The following PTPRN2 variants were observed in gnomAD, a reference collection of about 807,000 sequenced individuals.
PTPRN2 encodes receptor-type tyrosine-protein phosphatase N2.
In PTPRN2, 74 loss-of-function variants were observed where a neutral mutation model predicts 118.8. The ratio of observed to expected loss-of-function variants is 0.62; its 90% CI spans 0.52 to 0.76. PTPRN2 has a LOEUF of 0.76. Among genes scored for constraint, PTPRN2 ranks in the 30% least tolerant of loss-of-function variants. The probability of loss-of-function intolerance (pLI) is 0.00; values close to 1 mark genes in which losing one functional copy is unlikely to be tolerated. For missense variants in PTPRN2, 1,481 were observed against 1,394.4 expected (o/e 1.06, Z -0.99); for synonymous variants, 641 against 608.0 (o/e 1.05, Z -0.80).
chr7:158,474,256 G>A lies in PTPRN2; in HGVS notation c.163+15479C>T, dbSNP rs574176210. 4.6e-5 allele frequency among the ~76,000 whole-genome samples: 7 copies of A among 152,290 alleles called. No individual in the cohort carries two copies. In the South Asian group the frequency reaches 1.0e-3, roughly 23 times the overall value. On this transcript the variant is annotated intron_variant, in intron 2 of 22. Transcript: ENST00000389418. ...CCTTCATCAAAAAGCGGAGTAAACC[G>A]GGAGATTCAGCCATGGGAAGGCCTT...
intron 9 of PTPRN2, among the ~76,000 whole-genome samples, chr7:158,111,138 C>T (rs1250264301): frequency 6.6e-6 from 1 of 152,188 alleles, no homozygotes; most frequent in Non-Finnish European, 1.5e-5. Flanking sequence ...AGTGGCCCAC[C>T]GTGTGGAGAC....
At chr7:157,894,315 T>C (rs1796981852) in intron 12 of PTPRN2, among the ~76,000 whole-genome samples, 1 of 152,158 alleles carries the variant, frequency 6.6e-6, no homozygotes, top group Admixed American at 6.5e-5. Context: ...ACGTTTGGCA[T>C]CTTTCTGTGG....
At chr7:157,952,422 G>A (rs566915730) in intron 11 of PTPRN2, among the ~76,000 whole-genome samples, 21 of 135,484 alleles carry the variant, frequency 1.5e-4, no homozygotes, top group Admixed American at 3.6e-4. Context: ...GGGGACACGG[G>A]GGGAGACAGG....
intron 6 of PTPRN2, among the ~76,000 whole-genome samples, chr7:158,150,175 C>T (rs560254865): frequency 1.3e-4 from 20 of 152,186 alleles, no homozygotes; most frequent in African/African-American, 3.6e-4. Context: ...TTGCCTCAAG[C>T]GGGGCAGTGT....
intron 2 of PTPRN2, among the ~76,000 whole-genome samples, chr7:158,329,539 T>A (rs1803959762): frequency 6.6e-6 from 1 of 152,124 alleles, no homozygotes; most frequent in Non-Finnish European, 1.5e-5. Context: ...GGAGGCACCG[T>A]CGATGAGCCA....
intron 3 of PTPRN2, among the ~76,000 whole-genome samples, chr7:158,284,848 C>T (rs1799666245): frequency 6.6e-6 from 1 of 152,212 alleles, no homozygotes; most frequent in African/African-American, 2.4e-5. Context: ...TGCCTGAGCT[C>T]GTTGAGCTGG....
chr7:158,332,925 GAA>G (rs1222566564), intron 2 of PTPRN2, among the ~76,000 whole-genome samples: 64 of 148,108 alleles, frequency 4.3e-4, no homozygotes, highest in African/African-American at 1.5e-3. Flanking sequence ...CTCACCATAA[GAA>G]GTGACACCTG....
At chr7:157,887,116 A>G (rs1301893141) in intron 12 of PTPRN2, among the ~76,000 whole-genome samples, 1 of 151,162 alleles carries the variant, frequency 6.6e-6, no homozygotes, top group African/African-American at 2.4e-5. Flanking sequence ...CCACAGAGCC[A>G]AACCAGAGAA....
chr7:158,550,825 G>T (rs1826603402), intron 1 of PTPRN2, among the ~76,000 whole-genome samples: 1 of 152,178 alleles, frequency 6.6e-6, no homozygotes, highest in Non-Finnish European at 1.5e-5. Flanking sequence ...TCCTGCTGCT[G>T]AAATCCAACA....
chr7:158,344,250 G>T (rs1807318485), intron 2 of PTPRN2, among the ~76,000 whole-genome samples: 2 of 152,202 alleles, frequency 1.3e-5, no homozygotes, highest in South Asian at 4.1e-4. Context: ...GAAGCCACCA[G>T]CCAGACCAGG....
At chr7:158,319,652 C>T (rs1177708964) in intron 2 of PTPRN2, among the ~76,000 whole-genome samples, 1 of 41,834 alleles carries the variant, frequency 2.4e-5, no homozygotes. Flanking sequence ...GCCTCCCTCA[C>T]ACACACACAC....
chr7:158,136,634 A>G, intron 8 of PTPRN2, 21 bp downstream of exon 8: 1 of 1,609,034 alleles, frequency 6.2e-7, no homozygotes, highest in Non-Finnish European at 8.5e-7. Flanking sequence ...CATGAAACAA[A>G]CACCAGAGAC....
intron 12 of PTPRN2, among the ~76,000 whole-genome samples, chr7:157,705,255 G>A (rs1219973644): frequency 6.6e-6 from 1 of 152,198 alleles, no homozygotes; most frequent in African/African-American, 2.4e-5. Flanking sequence ...GCAGTGAGCC[G>A]AGATTGTACC....
intron 12 of PTPRN2, among the ~76,000 whole-genome samples, chr7:157,822,940 A>G (rs973339300): frequency 6.6e-6 from 1 of 152,004 alleles, no homozygotes. Context: ...TCTATATACT[A>G]TCCATCACTT....
chr7:158,551,114 T>C (rs2129450173), intron 1 of PTPRN2, among the ~76,000 whole-genome samples: 1 of 152,344 alleles, frequency 6.6e-6, no homozygotes, highest in Middle Eastern at 3.4e-3. Flanking sequence ...CAACCGACAC[T>C]CGCTTTGCAC....
intron 10 of PTPRN2, among the ~76,000 whole-genome samples, chr7:158,096,379 T>C (rs1262269846): frequency 6.6e-6 from 1 of 152,194 alleles, no homozygotes; most frequent in Non-Finnish European, 1.5e-5. Context: ...ACTGCTCTCC[T>C]CCTAAATGGT....
intron 11 of PTPRN2, among the ~76,000 whole-genome samples, chr7:158,071,279 CGTGG>C (rs1563390237): frequency 1.3e-5 from 1 of 78,624 alleles, no homozygotes; most frequent in African/African-American, 5.4e-5. Flanking sequence ...TGGAGGTGCC[CGTGG>C]TGGTGGAGGT....
chr7:157,969,979 C>A, intron 11 of PTPRN2, among the ~76,000 whole-genome samples: 1 of 152,068 alleles, frequency 6.6e-6, no homozygotes, highest in South Asian at 2.1e-4. Context: ...CTTAACACAG[C>A]CACCAAGAAA....
At chr7:158,395,379 C>G (rs866824016) in intron 2 of PTPRN2, among the ~76,000 whole-genome samples, 2 of 10,468 alleles carry the variant, frequency 1.9e-4, no homozygotes, top group Non-Finnish European at 3.6e-4. Flanking sequence ...GAGGGGGAGG[C>G]GCGAGGGGCG....
Sources: allele counts gnomAD v4.1 joint callset (sites outside exome capture counted in the v4.1 genomes callset), GRCh38; gene constraint gnomAD v4.1.1; transcripts MANE v1.5; gene names NCBI Gene and HGNC (gene_info 2026-07-23, HGNC 2026-07-21).